Variants in SLCO1B1 observed in about 807,000 individuals in gnomAD.
The protein encoded by SLCO1B1 is solute carrier organic anion transporter family member 1B1, also known as OATP-2.
Under a neutral mutation model 70.1 loss-of-function variants are expected in SLCO1B1, and 81 were observed. That is an observed-to-expected ratio of 1.16 (90% CI 0.97 to 1.39). The LOEUF (loss-of-function observed/expected upper bound fraction) is 1.39. SLCO1B1 is among the 40% of genes most tolerant of loss of function. SLCO1B1 has a pLI of 0.00. For synonymous variants in SLCO1B1, 283 were observed against 271.5 expected (o/e 1.04, Z -0.42); for missense variants, 895 against 799.6 (o/e 1.12, Z -1.44).
At chr12:21,232,649 G>A (rs548475845) in intron 14 of SLCO1B1, among the ~76,000 whole-genome samples, 1 of 152,130 alleles carries the variant, frequency 6.6e-6, no homozygotes, top group South Asian at 2.1e-4. Context: ...CCTAAGACTA[G>A]TCTCAAAAAT....
intron 10 of SLCO1B1, among the ~76,000 whole-genome samples, 171 bp downstream of exon 10, chr12:21,202,857 C>A (rs144847283): frequency 1.2e-3 from 185 of 152,096 alleles, no homozygotes; most frequent in Non-Finnish European, 2.0e-3. Flanking sequence ...CAAACACATT[C>A]TTTTATTCCT....
intron 7 of SLCO1B1, among the ~76,000 whole-genome samples, chr12:21,189,180 A>G (rs1565677073): frequency 6.6e-6 from 1 of 152,156 alleles, no homozygotes; most frequent in Non-Finnish European, 1.5e-5. Context: ...TTTTTGAGGA[A>G]TCTTTATAAT....
chr12:21,189,636 G>A (rs1205600408), intron 7 of SLCO1B1, among the ~76,000 whole-genome samples: 1 of 151,882 alleles, frequency 6.6e-6, no homozygotes, highest in Non-Finnish European at 1.5e-5. Context: ...TAGTAGAGAT[G>A]GGATTTCACC....
intron 2 of SLCO1B1, among the ~76,000 whole-genome samples, chr12:21,161,169 C>T (rs1337776194): frequency 6.6e-6 from 1 of 151,964 alleles, no homozygotes; most frequent in African/African-American, 2.4e-5. Context: ...GTATATACAC[C>T]CAGAGGAATA....
chr12:21,165,104 A>G (rs1227482816), intron 2 of SLCO1B1, among the ~76,000 whole-genome samples: 1 of 152,138 alleles, frequency 6.6e-6, no homozygotes, highest in Non-Finnish European at 1.5e-5. Flanking sequence ...GCGTTTGACA[A>G]ATTAGAAGCT....
chr12:21,185,399 A>G (rs1940952255), intron 7 of SLCO1B1, among the ~76,000 whole-genome samples: 1 of 152,148 alleles, frequency 6.6e-6, no homozygotes, highest in African/African-American at 2.4e-5. Context: ...AAAGATTTTG[A>G]GTACATTCTT....
At chr12:21,218,412 A>G (rs970333114) in intron 12 of SLCO1B1, among the ~76,000 whole-genome samples, 1 of 152,126 alleles carries the variant, frequency 6.6e-6, no homozygotes, top group Non-Finnish European at 1.5e-5. Flanking sequence ...TAAAACTTAC[A>G]TTGTTGATCA....
At chr12:21,230,642 C>A (rs1007689786) in intron 14 of SLCO1B1, among the ~76,000 whole-genome samples, 1 of 151,916 alleles carries the variant, frequency 6.6e-6, no homozygotes, top group East Asian at 1.9e-4. Flanking sequence ...CTGTAGTATT[C>A]TTTTCTTGTA....
At chr12:21,206,159 A>G in intron 11 of SLCO1B1, 126 bp downstream of exon 11, 1 of 812,928 alleles carries the variant, frequency 1.2e-6, no homozygotes, top group Non-Finnish European at 2.0e-6. Context: ...TTCCAGTATT[A>G]TCTGTTATTG....
At chr12:21,171,748 C>G (rs188788047) in intron 2 of SLCO1B1, among the ~76,000 whole-genome samples, 48 of 152,200 alleles carry the variant, frequency 3.2e-4, no homozygotes, top group Admixed American at 1.4e-3. Context: ...ATTCTGATAT[C>G]AGGGTTCTGG....
At chr12:21,211,850 G>A (rs1190823026) in intron 11 of SLCO1B1, among the ~76,000 whole-genome samples, 1 of 151,934 alleles carries the variant, frequency 6.6e-6, no homozygotes, top group Non-Finnish European at 1.5e-5. Flanking sequence ...TATTTGCGTA[G>A]AGGTGTTTGT....
intron 11 of SLCO1B1, among the ~76,000 whole-genome samples, chr12:21,209,173 G>C (rs542815585): frequency 4.6e-5 from 7 of 151,856 alleles, no homozygotes; most frequent in South Asian, 2.1e-4. Flanking sequence ...TCGTCATCTA[G>C]CATTAGGTAT....
At chr12:21,160,789 T>A (rs1940608687) in intron 2 of SLCO1B1, among the ~76,000 whole-genome samples, 1 of 152,022 alleles carries the variant, frequency 6.6e-6, no homozygotes, top group Non-Finnish European at 1.5e-5. Context: ...ATATCCAGCA[T>A]CTATAAGAAA....
chr12:21,197,965 A>G (rs1474427281), intron 8 of SLCO1B1, among the ~76,000 whole-genome samples: 1 of 152,120 alleles, frequency 6.6e-6, no homozygotes, highest in African/African-American at 2.4e-5. Context: ...CCAGAGCAAG[A>G]TATGTGAATC....
chr12:21,143,903 A>G (rs377264050), intron 2 of SLCO1B1, among the ~76,000 whole-genome samples: 45 of 152,240 alleles, frequency 3.0e-4, no homozygotes, highest in South Asian at 1.0e-3. Context: ...ACACCCAAAT[A>G]TACATGTTGT....
intron 11 of SLCO1B1, among the ~76,000 whole-genome samples, chr12:21,209,208 C>CG (rs1171626815): frequency 2.4e-4 from 36 of 151,870 alleles, no homozygotes; most frequent in African/African-American, 8.5e-4. Flanking sequence ...TCCCTCCCCC[C>CG]TCCTCCCACC....
chr12:21,156,687 A>G (rs1940548424), intron 2 of SLCO1B1, among the ~76,000 whole-genome samples: 1 of 152,208 alleles, frequency 6.6e-6, no homozygotes, highest in Non-Finnish European at 1.5e-5. Flanking sequence ...TTAAAAAAGC[A>G]TAATACTGAT....
intron 2 of SLCO1B1, among the ~76,000 whole-genome samples, chr12:21,157,578 T>C (rs1940557748): frequency 6.6e-6 from 1 of 151,184 alleles, no homozygotes; most frequent in Non-Finnish European, 1.5e-5. Flanking sequence ...GTTCAGAAAT[T>C]AAGATTAATT....
intron 11 of SLCO1B1, among the ~76,000 whole-genome samples, chr12:21,209,581 G>A (rs886223545): frequency 6.6e-6 from 1 of 152,116 alleles, no homozygotes; most frequent in African/African-American, 2.4e-5. Flanking sequence ...CCCAGTAATG[G>A]GATGGCTGGG....
Sources: allele counts gnomAD v4.1 joint callset (sites outside exome capture counted in the v4.1 genomes callset), GRCh38; gene constraint gnomAD v4.1.1; transcripts MANE v1.5; gene names NCBI Gene and HGNC (gene_info 2026-07-23, HGNC 2026-07-21).